The following ABI3BP variants were observed in gnomAD, a reference collection of about 807,000 sequenced individuals.
ABI3BP encodes the protein target of Nesh-SH3.
Under a neutral mutation model 268.6 loss-of-function variants are expected in ABI3BP, and 216 were observed. The ratio of observed to expected loss-of-function variants is 0.80; its 90% CI spans 0.72 to 0.90. ABI3BP has a LOEUF of 0.90. Ranked by LOEUF, ABI3BP falls within the 40% of genes least tolerant of loss-of-function variation. The pLI is 0.00. For missense variants in ABI3BP, 2,090 were observed against 2,182.4 expected (o/e 0.96, Z 0.84); for synonymous variants, 730 against 730.0 (o/e 1.00, Z 0.00).
intron 51 of ABI3BP, among the ~76,000 whole-genome samples, chr3:100,803,325 T>A (rs2097586534): frequency 6.9e-6 from 1 of 145,454 alleles, no homozygotes; most frequent in Admixed American, 6.8e-5. Flanking sequence ...GCAAGTTTTT[T>A]TTTTTTTTTT....
chr3:100,888,336 C>A (rs1034687988), intron 4 of ABI3BP, among the ~76,000 whole-genome samples: 6 of 152,086 alleles, frequency 3.9e-5, no homozygotes, highest in African/African-American at 7.2e-5. Flanking sequence ...CATTTCTTGA[C>A]AAATACGCTG....
chr3:100,891,808 T>C (rs74509667), intron 4 of ABI3BP, among the ~76,000 whole-genome samples: 573 of 152,376 alleles, frequency 3.8e-3, no homozygotes, highest in Non-Finnish European at 5.7e-3. Flanking sequence ...TGCTGGGTTC[T>C]GTGTGAGATG....
intron 63 of ABI3BP, 48 bp from the exon 64 acceptor site, chr3:100,754,739 T>C: frequency 2.0e-6 from 3 of 1,469,674 alleles, no homozygotes; most frequent in Non-Finnish European, 2.8e-6. Context: ...TCTTGAGGGC[T>C]AGGAGGCAAC....
intron 2 of ABI3BP, among the ~76,000 whole-genome samples, chr3:100,912,585 G>A (rs1583143749): frequency 1.3e-5 from 2 of 152,172 alleles, no homozygotes; most frequent in Admixed American, 1.3e-4. Flanking sequence ...CTCCATAACA[G>A]AAATATTGTC....
At chr3:100,753,139 A>G (rs1335687619) in intron 65 of ABI3BP, among the ~76,000 whole-genome samples, 191 bp from the exon 66 acceptor site, 1 of 152,180 alleles carries the variant, frequency 6.6e-6, no homozygotes, top group African/African-American at 2.4e-5. Flanking sequence ...TAAATCTGAG[A>G]GCAGCATGTT....
intron 12 of ABI3BP, chr3:100,863,711 AAT>A (rs2099022559): frequency 3.0e-6 from 1 of 337,402 alleles, no homozygotes; most frequent in African/African-American, 2.1e-5. Context: ...TAAGAGAGAC[AAT>A]AGAGTAAACA....
chr3:100,955,808 A>T (rs1421626446), intron 1 of ABI3BP, among the ~76,000 whole-genome samples: 4 of 152,226 alleles, frequency 2.6e-5, no homozygotes, highest in Non-Finnish European at 4.4e-5. Context: ...CAAAACAAAC[A>T]GTGAATAAAA....
intron 1 of ABI3BP, among the ~76,000 whole-genome samples, chr3:100,935,834 T>C (rs1297100670): frequency 6.6e-6 from 1 of 152,204 alleles, no homozygotes; most frequent in African/African-American, 2.4e-5. Flanking sequence ...TTTTGTATCC[T>C]GAGACTTTGC....
chr3:100,943,294 A>G (rs2070395728), intron 1 of ABI3BP, among the ~76,000 whole-genome samples: 1 of 152,050 alleles, frequency 6.6e-6, no homozygotes, highest in Non-Finnish European at 1.5e-5. Flanking sequence ...CATTCATTCC[A>G]TCTTAATTTT....
intron 62 of ABI3BP, among the ~76,000 whole-genome samples, chr3:100,768,284 T>C (rs112153120): frequency 6.6e-6 from 1 of 152,102 alleles, no homozygotes; most frequent in Non-Finnish European, 1.5e-5. Context: ...GAGACGGGGT[T>C]TCACCGTGTT....
chr3:100,840,248 A>AT, intron 22 of ABI3BP, 84 bp from the exon 23 acceptor site: 1 of 1,050,764 alleles, frequency 9.5e-7, no homozygotes, highest in Non-Finnish European at 1.3e-6. Context: ...TTAGAAGGAC[A>AT]TTTAAACCCT....
chr3:100,847,706 T>A, intron 18 of ABI3BP, 33 bp from the exon 19 acceptor site: 1 of 1,562,268 alleles, frequency 6.4e-7, no homozygotes, highest in Non-Finnish European at 8.8e-7. Context: ...TATTGAAATA[T>A]CCTAGAGACA....
intron 59 of ABI3BP, among the ~76,000 whole-genome samples, chr3:100,777,556 C>G (rs1468435443): frequency 6.6e-6 from 1 of 152,224 alleles, no homozygotes. Context: ...ACAAACAGGT[C>G]TGACACAATT....
intron 43 of ABI3BP, 47 bp from the exon 44 acceptor site, chr3:100,816,018 T>C: frequency 2.9e-6 from 4 of 1,359,220 alleles, no homozygotes; most frequent in Non-Finnish European, 3.9e-6. Flanking sequence ...AAAGACTTTT[T>C]AAAAAAAATC....
At chr3:100,837,234 C>G (rs1053453209) in intron 26 of ABI3BP, 63 bp from the exon 27 acceptor site, 160 of 1,339,596 alleles carry the variant, frequency 1.2e-4, no homozygotes, top group Middle Eastern at 1.8e-4. Context: ...CTTTTGGGTG[C>G]TCATTGGTGT....
chr3:100,960,656 C>G (rs1046039595), intron 1 of ABI3BP, among the ~76,000 whole-genome samples: 1 of 152,170 alleles, frequency 6.6e-6, no homozygotes, highest in Non-Finnish European at 1.5e-5. Context: ...GAAAGGACGT[C>G]AGAGAGATTC....
intron 31 of ABI3BP, 116 bp downstream of exon 31, chr3:100,832,148 C>A: frequency 7.3e-6 from 7 of 959,218 alleles, no homozygotes; most frequent in Non-Finnish European, 1.1e-5. Flanking sequence ...TAACCAGTAG[C>A]TTTTACTCTT....
intron 1 of ABI3BP, among the ~76,000 whole-genome samples, chr3:100,984,548 AG>A: frequency 6.6e-6 from 1 of 152,322 alleles, no homozygotes; most frequent in African/African-American, 2.4e-5. Flanking sequence ...TTCCACAGAA[AG>A]GAACATTAGC....
Position 100,886,200 on chromosome 3 carries a change from T to A in ABI3BP, c.585A>T (p.Lys195Asn). The A allele has an allele frequency of 6.2e-7, 1 of 1,608,930 alleles. No individual in the cohort carries two copies. Among genetic ancestry groups the A allele is most frequent in the South Asian group, 1.1e-5 (1 of 90,354 alleles). ...TCCAAATTCCACCTTCCACATTGTC[T>A]TTCACTCCAAATTCATAAACTGTGT... is the stretch of plus-strand genomic sequence containing the variant. The part of the protein sequence containing the change: ...KPNTVYEFGV[K>N]DNVEGGIWSK... The change falls in exon 5 of 68, where the codon AAA becomes AAT. Residue 195 changes from lysine to asparagine, a missense_variant. Lys to Asn is a moderately conservative substitution (Grantham distance 94). Coordinates refer to ENST00000471714, the MANE Select transcript of ABI3BP (RefSeq NM_001375547.2).
Sources: allele counts gnomAD v4.1 joint callset (sites outside exome capture counted in the v4.1 genomes callset), GRCh38; gene constraint gnomAD v4.1.1; transcripts MANE v1.5; gene names NCBI Gene and HGNC (gene_info 2026-07-23, HGNC 2026-07-21).